Variants in GSE1 observed in about 807,000 individuals in gnomAD.
The protein encoded by GSE1 is Gse1 coiled-coil protein, also known as genetic suppressor element 1.
A neutral mutation model predicts 112.6 loss-of-function variants in GSE1; 32 were observed. The ratio of observed to expected loss-of-function variants is 0.28; its 90% CI spans 0.21 to 0.38. The LOEUF (loss-of-function observed/expected upper bound fraction) is 0.38. GSE1 is among the 10% of genes least tolerant of loss of function. The pLI, the probability that GSE1 is intolerant of heterozygous loss-of-function variation, is 1.00. For synonymous variants in GSE1, 1,115 were observed against 735.6 expected (o/e 1.52, Z -8.35); for missense variants, 2,348 against 1,699.2 (o/e 1.38, Z -6.71).
At chr16:85,261,806 G>A (rs188237391) in intron 1 of GSE1, among the ~76,000 whole-genome samples, 1 of 152,346 alleles carries the variant, frequency 6.6e-6, no homozygotes, top group African/African-American at 2.4e-5. Flanking sequence ...GAAGCTGAGG[G>A]GGTTGAGAAT....
chr16:85,172,198 A>C (rs554234974), intron 1 of GSE1, among the ~76,000 whole-genome samples: 5 of 152,320 alleles, frequency 3.3e-5, no homozygotes, highest in South Asian at 4.1e-4. Flanking sequence ...GGTCACAGAG[A>C]GGTCTCCGTG....
intron 1 of GSE1, among the ~76,000 whole-genome samples, chr16:85,339,944 G>A (rs1478000800): frequency 6.6e-6 from 1 of 152,170 alleles, no homozygotes; most frequent in African/African-American, 2.4e-5. Context: ...TTGGCCCAGG[G>A]CGGGGGCCAG....
chr16:85,240,405 G>C (rs557814061), intron 1 of GSE1, among the ~76,000 whole-genome samples: 29 of 152,322 alleles, frequency 1.9e-4, no homozygotes, highest in Non-Finnish European at 4.1e-4. Context: ...CCAAGGGGGA[G>C]GGGGGTGGAG....
chr16:85,651,276 G>T lies in GSE1; in HGVS notation c.426+2525G>T, dbSNP rs543431455. Among the ~76,000 whole-genome samples, 605 of 152,008 alleles carry T rather than the reference G, an allele frequency of 4.0e-3. 4 individuals carry two copies. The highest frequency in any genetic ancestry group is 0.014 in the African/African-American group (580 of 41,460). On this transcript the variant is annotated intron_variant, in intron 3 of 15. Transcript: ENST00000253458. ...CCTTGCCTGGATGGGGGGCAGCCCT[G>T]TGCCTCACTCCAGGCCCCGCTGACC...
At position 85,654,351 on chromosome 16, in the gene GSE1, CA is replaced by C; in HGVS notation, c.501del (p.Gly169AspfsTer46). 6.2e-7 allele frequency: 1 copy of C among 1,612,188 alleles called. No homozygotes were observed. The highest frequency in any genetic ancestry group is 8.5e-7 in the Non-Finnish European group (1 of 1,179,632). On this transcript the variant is annotated frameshift_variant, in exon 4 of 16. Coordinates refer to ENST00000253458, the MANE Select transcript of GSE1 (RefSeq NM_014615.5). LOFTEE classifies it high-confidence loss of function. ...GAGCCCCCGCTCCCTCAGGAGAAGG[CA>C]GGGGGACCAGCCATCCCCTCGCACC... ...IVEPPLPQEK[A>X]GGPAIPSHLL...
At chr16:85,401,701 G>C (rs2048119113) in intron 2 of GSE1, among the ~76,000 whole-genome samples, 1 of 152,232 alleles carries the variant, frequency 6.6e-6, no homozygotes, top group African/African-American at 2.4e-5. Context: ...CTGCTGCTGA[G>C]TGTTTATTGA....
intron 2 of GSE1, among the ~76,000 whole-genome samples, chr16:85,510,636 C>T (rs2051710778): frequency 3.9e-5 from 6 of 152,216 alleles, no homozygotes; most frequent in African/African-American, 9.7e-5. Flanking sequence ...GGAGGCTGCC[C>T]CCCAAGTGTG....
intron 3 of GSE1, among the ~76,000 whole-genome samples, chr16:85,651,030 C>T (rs2051295059): frequency 7.7e-6 from 1 of 130,236 alleles, no homozygotes; most frequent in African/African-American, 2.9e-5. Context: ...GGATTTGCTC[C>T]TCCCCCTCCC....
At position 85,246,356 on chromosome 16, in the gene GSE1, CACACACACACACCACACGCTGTCT is replaced by C. The variant is rs1905748529; in HGVS notation, c.2283+74560_2283+74583del. ...ACCCCCCACACGCTGTCTACACACA[CACACACACACACCACACGCTGTCT>C]ACACACACACCCCACACGCTGTCTA... On this transcript the variant is annotated intron_variant, in intron 1 of 2. Coordinates refer to the GSE1 transcript ENST00000637419. Among the ~76,000 whole-genome samples the C allele has an allele frequency of 2.2e-5, 3 of 137,892 alleles. 1 individual carries two copies. Among genetic ancestry groups the C allele is most frequent in the South Asian group, 5.4e-4 (2 of 3,714 alleles). The allele number at this position is 137,892 out of a possible 152,430, so 90.5% of individuals were successfully genotyped here. A position where few individuals can be genotyped will look rare whatever the true frequency, so the allele number is the denominator to read the frequency against.
chr16:85,188,117 G>T (rs769812570), intron 1 of GSE1, among the ~76,000 whole-genome samples: 1 of 152,206 alleles, frequency 6.6e-6, no homozygotes, highest in Non-Finnish European at 1.5e-5. Context: ...ATGGAAACCT[G>T]CGAGTGGCTG....
chr16:85,433,767 T>C (rs1374768378), intron 2 of GSE1, among the ~76,000 whole-genome samples: 1 of 151,988 alleles, frequency 6.6e-6, no homozygotes, highest in African/African-American at 2.4e-5. Flanking sequence ...GATGGATGGA[T>C]GCTGGATAGA....
upstream of GSE1, among the ~76,000 whole-genome samples, chr16:85,554,560 A>T (rs2045101139): frequency 6.6e-6 from 1 of 152,028 alleles, no homozygotes; most frequent in African/African-American, 2.4e-5. Context: ...AGGGATTTTT[A>T]AGGGGTGGGG....
At chr16:85,519,325 C>T (rs1376178585) in intron 2 of GSE1, among the ~76,000 whole-genome samples, 8 of 133,828 alleles carry the variant, frequency 6.0e-5, no homozygotes, top group Non-Finnish European at 1.2e-4. Context: ...CCTTCACCAC[C>T]ATCATCACTT....
Position 85,309,521 on chromosome 16 carries a change from T to TAAATA in GSE1, c.2284-47940_2284-47939insATAAA, listed in dbSNP as rs569353129. Among the ~76,000 whole-genome samples the TAAATA allele has an allele frequency of 9.3e-3, 1,409 of 151,828 alleles. 30 individuals carry two copies. Among genetic ancestry groups the TAAATA allele is most frequent in the African/African-American group, 0.032 (1,332 of 41,432 alleles). On this transcript the variant is annotated intron_variant, in intron 1 of 2. Coordinates refer to the GSE1 transcript ENST00000637419. ...AAACAATAATAAATAAATAAATAAA[T>TAAATA]AAGAAGAACCGGGTGAGATTAATTT...
intron 1 of GSE1, among the ~76,000 whole-genome samples, chr16:85,259,065 G>A (rs1240462264): frequency 6.6e-6 from 1 of 152,174 alleles, no homozygotes; most frequent in African/African-American, 2.4e-5. Flanking sequence ...GGAGAGAGGA[G>A]GGGGCCTTGA....
At chr16:85,304,325 C>G (rs2045607789) in intron 1 of GSE1, among the ~76,000 whole-genome samples, 1 of 152,204 alleles carries the variant, frequency 6.6e-6, no homozygotes, top group African/African-American at 2.4e-5. Flanking sequence ...CTTTTCTTCT[C>G]CTGGCTACAG....
intron 1 of GSE1, among the ~76,000 whole-genome samples, chr16:85,616,880 T>G (rs1250134431): frequency 6.6e-6 from 1 of 152,184 alleles, no homozygotes. Context: ...GCCGTGTGCT[T>G]GCTGCTGGGA....
intron 2 of GSE1, among the ~76,000 whole-genome samples, chr16:85,367,535 G>T (rs1198507562): frequency 6.6e-6 from 1 of 152,226 alleles, no homozygotes; most frequent in Non-Finnish European, 1.5e-5. Context: ...ACAGGCAGGG[G>T]ACAGAGAGAC....
intron 2 of GSE1, among the ~76,000 whole-genome samples, chr16:85,550,186 G>T (rs1037173600): frequency 2.6e-5 from 4 of 152,102 alleles, no homozygotes; most frequent in Admixed American, 2.6e-4. Context: ...GGGTGGGGGC[G>T]AGACGGAATT....
Sources: gnomAD v4.1 joint callset for allele counts (sites outside exome capture counted in the v4.1 genomes callset) on GRCh38, gnomAD v4.1.1 for gene constraint, MANE v1.5 for transcripts, NCBI Gene and HGNC (gene_info 2026-07-23, HGNC 2026-07-21) for gene names.